Variants in BLTP3B observed in about 807,000 individuals in gnomAD.
BLTP3B encodes the protein bridge-like lipid transfer protein family member 3B, also known as UHRF1 (ICBP90) binding protein 1-like.
the BLTP3B span, among the ~76,000 whole-genome samples, chr12:100,044,616 C>T: frequency 2.4e-3 from 363 of 152,134 alleles, 2 homozygotes; most frequent in African/African-American, 8.2e-3. Flanking sequence ...GGCAATACAC[C>T]GAAAGTAACT....
At chr12:100,109,159 C>CCTCTCTCTCT in the BLTP3B span, among the ~76,000 whole-genome samples, 2 of 65,368 alleles carry the variant, frequency 3.1e-5, no homozygotes, top group Non-Finnish European at 3.1e-5. Context: ...TGGCAGTTTT[C>CCTCTCTCTCT]CTCTCTCTCT....
chr12:100,130,024 T>C, the BLTP3B span, among the ~76,000 whole-genome samples: 1 of 152,202 alleles, frequency 6.6e-6, no homozygotes, highest in Non-Finnish European at 1.5e-5. Flanking sequence ...TGTGGCACGA[T>C]CTCGGTTCAC....
At chr12:100,139,337 C>A in the BLTP3B span, among the ~76,000 whole-genome samples, 7 of 152,298 alleles carry the variant, frequency 4.6e-5, 1 homozygote, top group African/African-American at 1.7e-4. Flanking sequence ...GTCCCTTCAT[C>A]CAGGCAAAGA....
the BLTP3B span, among the ~76,000 whole-genome samples, chr12:100,136,530 C>G: frequency 6.6e-6 from 1 of 152,004 alleles, no homozygotes; most frequent in Admixed American, 6.6e-5. Context: ...TATATGTGCT[C>G]AAAAACGTTA....
chr12:100,141,419 G>GTA, the BLTP3B span, among the ~76,000 whole-genome samples: 1 of 143,208 alleles, frequency 7.0e-6, no homozygotes, highest in African/African-American at 2.7e-5. Context: ...ATATGTATAT[G>GTA]TATATATGTA....
chr12:100,140,729 A>AATATATATATATATAT, the BLTP3B span, among the ~76,000 whole-genome samples: 35 of 61,472 alleles, frequency 5.7e-4, no homozygotes, highest in Middle Eastern at 0.014. Flanking sequence ...AAAAAAAAAA[A>AATATATATATATATAT]ATATATATAT....
the BLTP3B span, among the ~76,000 whole-genome samples, chr12:100,067,644 T>A: frequency 6.6e-6 from 1 of 151,858 alleles, no homozygotes. Flanking sequence ...CAGGAAGAAT[T>A]AGATAGTCTG....
chr12:100,108,496 C>T, the BLTP3B span: 10 of 1,613,386 alleles, frequency 6.2e-6, no homozygotes, highest in African/African-American at 1.2e-4. Context: ...AGTTCACCTT[C>T]TCCTTTAAGG....
At chr12:100,130,740 A>C in the BLTP3B span, among the ~76,000 whole-genome samples, 4 of 151,890 alleles carry the variant, frequency 2.6e-5, no homozygotes, top group African/African-American at 4.8e-5. Flanking sequence ...AAATGGTGAA[A>C]CCCTGTCTCT....
the BLTP3B span, among the ~76,000 whole-genome samples, chr12:100,040,653 T>C: frequency 6.6e-6 from 1 of 152,042 alleles, no homozygotes; most frequent in African/African-American, 2.4e-5. Context: ...ACCACTGCAC[T>C]CCAGCCTGGG....
At chr12:100,119,695 T>C in the BLTP3B span, among the ~76,000 whole-genome samples, 1 of 152,184 alleles carries the variant, frequency 6.6e-6, no homozygotes, top group Admixed American at 6.5e-5. Context: ...GAAAATAATA[T>C]TTTTAAGAAG....
At chr12:100,069,981 A>G in the BLTP3B span, 6 of 1,210,872 alleles carry the variant, frequency 5.0e-6, no homozygotes, top group East Asian at 3.4e-5. Context: ...TGATTATGCA[A>G]TAACAGACAA....
the BLTP3B span, chr12:100,037,213 TTGA>T: frequency 1.0e-6 from 1 of 956,746 alleles, no homozygotes; most frequent in Non-Finnish European, 1.2e-6. Flanking sequence ...ATAAAAGCAT[TTGA>T]ATCTTTGTAA....
At chr12:100,066,552 G>C in the BLTP3B span, among the ~76,000 whole-genome samples, 51 of 152,028 alleles carry the variant, frequency 3.4e-4, no homozygotes, top group Non-Finnish European at 5.6e-4. Flanking sequence ...CCAGCACTTT[G>C]GGAGGCCAAG....
chr12:100,037,617 G>A, the BLTP3B span: 1 of 1,605,908 alleles, frequency 6.2e-7, no homozygotes, highest in Non-Finnish European at 8.5e-7. Flanking sequence ...TATAATTTCA[G>A]TTTTGACTGC....
chr12:100,083,068 T>C, the BLTP3B span: 1 of 1,613,882 alleles, frequency 6.2e-7, no homozygotes, highest in Non-Finnish European at 8.5e-7. Context: ...AGACATTAGC[T>C]TAGCTTTTGA....
At chr12:100,073,573 A>ATGTG in the BLTP3B span, among the ~76,000 whole-genome samples, 4 of 151,896 alleles carry the variant, frequency 2.6e-5, no homozygotes, top group African/African-American at 9.7e-5. Flanking sequence ...AAATATGTAT[A>ATGTG]TGTGTGTGTA....
chr12:100,111,535 TCCAC>T, the BLTP3B span, among the ~76,000 whole-genome samples: 2 of 152,064 alleles, frequency 1.3e-5, no homozygotes, highest in Non-Finnish European at 2.9e-5. Flanking sequence ...CACTGCAACC[TCCAC>T]CTCCAAAGCA....
chr12:100,072,788 G>C, the BLTP3B span: 4 of 1,600,494 alleles, frequency 2.5e-6, no homozygotes, highest in South Asian at 3.4e-5. Context: ...TTTGGGGGAA[G>C]AACGACATTG....
Sources: allele counts gnomAD v4.1 joint callset (sites outside exome capture counted in the v4.1 genomes callset), GRCh38; gene constraint gnomAD v4.1.1; transcripts MANE v1.5; gene names NCBI Gene and HGNC (gene_info 2026-07-23, HGNC 2026-07-21).